The following DDX10 variants were observed in gnomAD, a reference collection of about 807,000 sequenced individuals.
DDX10 encodes the protein DEAD-box helicase 10, also known as probable ATP-dependent RNA helicase DDX10.
DDX10 carries 74 observed loss-of-function variants against 104.3 expected under a neutral mutation model. That is an observed-to-expected ratio of 0.71 (90% CI 0.59 to 0.86). The LOEUF is 0.86. Among genes scored for constraint, DDX10 ranks in the 40% least tolerant of loss-of-function variants. The pLI, the probability that DDX10 is intolerant of heterozygous loss-of-function variation, is 0.00. For missense variants in DDX10, 952 were observed against 1,040.0 expected (o/e 0.92, Z 1.16); for synonymous variants, 351 against 353.4 (o/e 0.99, Z 0.08).
chr11:108,734,323 A>G (rs1240047612), intron 13 of DDX10, among the ~76,000 whole-genome samples: 5 of 152,132 alleles, frequency 3.3e-5, no homozygotes, highest in Non-Finnish European at 7.4e-5. Flanking sequence ...ATAGTTTGGT[A>G]TATATGCTCA....
chr11:108,684,002 A>T (rs1331330511), intron 6 of DDX10, among the ~76,000 whole-genome samples: 1 of 152,022 alleles, frequency 6.6e-6, no homozygotes, highest in African/African-American at 2.4e-5. Context: ...AAATTTTTAT[A>T]TTTAATATTC....
At chr11:108,888,327 T>C (rs1863328480) in intron 16 of DDX10, among the ~76,000 whole-genome samples, 1 of 152,204 alleles carries the variant, frequency 6.6e-6, no homozygotes, top group South Asian at 2.1e-4. Flanking sequence ...TCCAATTATC[T>C]TAATACTTAT....
At chr11:108,905,818 G>A (rs1197185359) in intron 16 of DDX10, among the ~76,000 whole-genome samples, 7 of 152,172 alleles carry the variant, frequency 4.6e-5, no homozygotes, top group African/African-American at 1.7e-4. Context: ...AGTGGCATCT[G>A]CTTCTGGGGA....
chr11:108,803,322 G>A (rs1483490123), intron 13 of DDX10, among the ~76,000 whole-genome samples: 6 of 150,888 alleles, frequency 4.0e-5, no homozygotes, highest in African/African-American at 1.2e-4. Context: ...GGCCAGCCAC[G>A]GCGGCTCACG....
chr11:108,830,576 G>T (rs1389740699), intron 13 of DDX10, among the ~76,000 whole-genome samples: 1 of 152,082 alleles, frequency 6.6e-6, no homozygotes, highest in Non-Finnish European at 1.5e-5. Flanking sequence ...AAGACTTCTA[G>T]TACTGTGTTG....
chr11:108,923,190 T>C (rs569288497), intron 17 of DDX10, among the ~76,000 whole-genome samples: 1 of 152,170 alleles, frequency 6.6e-6, no homozygotes, highest in African/African-American at 2.4e-5. Context: ...TCTGTTTCAG[T>C]GGGCTTTGTG....
At chr11:108,811,942 G>T (rs7110445) in intron 13 of DDX10, among the ~76,000 whole-genome samples, 4,940 of 152,040 alleles carry the variant, frequency 0.032, 262 homozygotes, top group African/African-American at 0.11. Flanking sequence ...ATTAATTATT[G>T]TTAGACATTT....
In DDX10 at chr11:108,723,109, C is replaced by G; in HGVS notation, c.1612C>G (p.Pro538Ala). Residue 538 changes from proline to alanine, a missense_variant, in exon 13 of 18, where the codon CCC becomes GCC. Coordinates refer to ENST00000322536, the MANE Select transcript of DDX10 (RefSeq NM_004398.4). ...QADKVIEPRA[P>A]SLTNDEVEEF... ...CGATAAAGTAATTGAGCCAAGGGCT[C>G]CCTCCCTCACCAATGACGAAGTGGA... The G allele has an allele frequency of 6.2e-7, 1 of 1,613,808 alleles. No homozygotes were observed. Among genetic ancestry groups the G allele is most frequent in the Non-Finnish European group, 8.5e-7 (1 of 1,179,874 alleles).
chr11:108,892,998 A>T (rs1287612994), intron 16 of DDX10, among the ~76,000 whole-genome samples: 1 of 152,150 alleles, frequency 6.6e-6, no homozygotes, highest in African/African-American at 2.4e-5. Flanking sequence ...AGAATCTTAT[A>T]TGTGAAATCT....
intron 16 of DDX10, among the ~76,000 whole-genome samples, chr11:108,889,102 T>C (rs962323556): frequency 2.0e-5 from 3 of 152,194 alleles, no homozygotes; most frequent in African/African-American, 7.2e-5. Flanking sequence ...TCAGAATTCT[T>C]ATTTCAGGAT....
intron 13 of DDX10, among the ~76,000 whole-genome samples, chr11:108,745,484 C>T (rs375236407): frequency 2.2e-4 from 34 of 152,138 alleles, no homozygotes; most frequent in East Asian, 1.9e-3. Context: ...AGAAGCAATT[C>T]GCCTTGGCCT....
At chr11:108,779,922 G>A (rs548445529) in intron 13 of DDX10, among the ~76,000 whole-genome samples, 1 of 152,272 alleles carries the variant, frequency 6.6e-6, no homozygotes, top group African/African-American at 2.4e-5. Flanking sequence ...AACCTTTGGA[G>A]TGAGATGAGT....
chr11:108,788,603 T>TC (rs1313697853), intron 13 of DDX10, among the ~76,000 whole-genome samples: 2 of 152,218 alleles, frequency 1.3e-5, no homozygotes, highest in African/African-American at 4.8e-5. Flanking sequence ...CCTCAGGTGA[T>TC]CCCCCCACCT....
chr11:108,720,509 T>C (rs989896221), intron 12 of DDX10, among the ~76,000 whole-genome samples: 1 of 152,228 alleles, frequency 6.6e-6, no homozygotes, highest in Non-Finnish European at 1.5e-5. Flanking sequence ...ATAGTTACTA[T>C]GGCAAGATGC....
chr11:108,814,723 C>T (rs557392073), intron 13 of DDX10, among the ~76,000 whole-genome samples: 81 of 152,096 alleles, frequency 5.3e-4, no homozygotes, highest in African/African-American at 1.6e-3. Flanking sequence ...AATGATCCTT[C>T]GTAATTAAGT....
At chr11:108,809,438 C>T in intron 13 of DDX10, among the ~76,000 whole-genome samples, 1 of 152,172 alleles carries the variant, frequency 6.6e-6, no homozygotes. Flanking sequence ...ACAAGCTGCT[C>T]TGTAAAGCGT....
intron 13 of DDX10, among the ~76,000 whole-genome samples, chr11:108,764,646 A>G (rs2094354364): frequency 6.6e-6 from 1 of 152,144 alleles, no homozygotes; most frequent in African/African-American, 2.4e-5. Flanking sequence ...TCCAGCCTGG[A>G]CGAGAGCGAA....
At chr11:108,914,305 T>C (rs1863716933) in intron 16 of DDX10, among the ~76,000 whole-genome samples, 1 of 152,196 alleles carries the variant, frequency 6.6e-6, no homozygotes, top group African/African-American at 2.4e-5. Flanking sequence ...ACTTGAATAA[T>C]GTATTCTGCT....
At chr11:108,836,541 C>T (rs1452511128) in intron 13 of DDX10, among the ~76,000 whole-genome samples, 1 of 152,178 alleles carries the variant, frequency 6.6e-6, no homozygotes, top group Admixed American at 6.5e-5. Flanking sequence ...GGCTGGAGTG[C>T]ACTGGCACAA....
Sources: allele counts gnomAD v4.1 joint callset (sites outside exome capture counted in the v4.1 genomes callset), GRCh38; gene constraint gnomAD v4.1.1; transcripts MANE v1.5; gene names NCBI Gene and HGNC (gene_info 2026-07-23, HGNC 2026-07-21).